NMNAT3: variants seen among roughly 807,000 people sequenced by gnomAD.
NMNAT3 encodes nicotinamide nucleotide adenylyltransferase 3, also known as nicotinamide/nicotinic acid mononucleotide adenylyltransferase 3.
NMNAT3 carries 21 observed loss-of-function variants against 24.8 expected under a neutral mutation model. The observed-to-expected ratio is 0.85, with a 90% CI of 0.60 to 1.22. The LOEUF (loss-of-function observed/expected upper bound fraction) is 1.22. Among genes scored for constraint, NMNAT3 ranks in the 50% most tolerant of loss-of-function variants. The pLI, the probability that NMNAT3 is intolerant of heterozygous loss-of-function variation, is 0.00. For synonymous variants in NMNAT3, 136 were observed against 155.2 expected (o/e 0.88, Z 0.92); for missense variants, 387 against 436.6 (o/e 0.89, Z 1.01).
At chr3:139,674,455 T>C (rs2057859401) in intron 1 of NMNAT3, among the ~76,000 whole-genome samples, 1 of 152,104 alleles carries the variant, frequency 6.6e-6, no homozygotes, top group Non-Finnish European at 1.5e-5. Flanking sequence ...GGAACCATGA[T>C]AAACGAGCAA....
At chr3:139,580,587 C>T (rs905725260) in intron 4 of NMNAT3, among the ~76,000 whole-genome samples, 3 of 152,148 alleles carry the variant, frequency 2.0e-5, no homozygotes, top group African/African-American at 4.8e-5. Flanking sequence ...GACAGACGCT[C>T]GCCACCTGGC....
At chr3:139,661,282 T>G (rs973631000) in intron 1 of NMNAT3, among the ~76,000 whole-genome samples, 1 of 152,196 alleles carries the variant, frequency 6.6e-6, no homozygotes, top group Non-Finnish European at 1.5e-5. Context: ...AGGCACCTAG[T>G]GTAGGGCTGC....
chr3:139,619,690 G>C (rs2055672524), intron 3 of NMNAT3, among the ~76,000 whole-genome samples: 1 of 152,064 alleles, frequency 6.6e-6, no homozygotes, highest in African/African-American at 2.4e-5. Flanking sequence ...AGATGCCAGG[G>C]GCCTTTCTGA....
chr3:139,599,565 A>ACCAGAATCTC, intron 3 of NMNAT3: 2 of 606,618 alleles, frequency 3.3e-6, no homozygotes, highest in Non-Finnish European at 5.8e-6. Context: ...CATAAAAAAG[A>ACCAGAATCTC]CCAGAATCTC....
chr3:139,652,520 G>A (rs1337366897), intron 1 of NMNAT3, among the ~76,000 whole-genome samples: 6 of 152,112 alleles, frequency 3.9e-5, no homozygotes, highest in African/African-American at 1.4e-4. Flanking sequence ...TGTTCCAGGT[G>A]TCTCTGCTGA....
chr3:139,612,631 C>T (rs1255370502), intron 3 of NMNAT3, among the ~76,000 whole-genome samples: 1 of 152,178 alleles, frequency 6.6e-6, no homozygotes, highest in Non-Finnish European at 1.5e-5. Flanking sequence ...AGGATCTGGG[C>T]TGAGAATCAG....
chr3:139,590,697 G>T (rs550683444), intron 3 of NMNAT3, among the ~76,000 whole-genome samples: 18 of 152,056 alleles, frequency 1.2e-4, no homozygotes, highest in African/African-American at 4.3e-4. Flanking sequence ...AATGCGTGCT[G>T]TAGAAATATT....
chr3:139,598,466 A>G (rs2054573956), intron 3 of NMNAT3, among the ~76,000 whole-genome samples: 5 of 152,322 alleles, frequency 3.3e-5, no homozygotes, highest in Admixed American at 2.6e-4. Context: ...TAGCCTACTC[A>G]GAAAGACCCC....
chr3:139,647,017 G>C (rs1482299146), intron 1 of NMNAT3, among the ~76,000 whole-genome samples: 1 of 152,188 alleles, frequency 6.6e-6, no homozygotes, highest in Non-Finnish European at 1.5e-5. Flanking sequence ...CATCTGGGAA[G>C]ATTTAAAAAA....
At chr3:139,586,683 C>T (rs1036696843) in intron 3 of NMNAT3, among the ~76,000 whole-genome samples, 2 of 152,072 alleles carry the variant, frequency 1.3e-5, no homozygotes, top group African/African-American at 4.8e-5. Context: ...AAGAGCCAGG[C>T]TATATTGAGA....
chr3:139,568,979 G>T (rs1406619591), intron 6 of NMNAT3: 1 of 152,192 alleles, frequency 6.6e-6, no homozygotes, highest in Non-Finnish European at 1.5e-5. Flanking sequence ...GGGAGTCTAA[G>T]TCTCTTTGTA....
chr3:139,634,543 TA>T (rs1420752892), intron 2 of NMNAT3, 67 bp downstream of exon 3: 1 of 152,210 alleles, frequency 6.6e-6, no homozygotes, highest in African/African-American at 2.4e-5. Flanking sequence ...CGATCTCCAG[TA>T]CTTTTTCTTT....
chr3:139,610,554 C>T (rs976679377), intron 3 of NMNAT3, among the ~76,000 whole-genome samples: 1 of 152,162 alleles, frequency 6.6e-6, no homozygotes, highest in Admixed American at 6.5e-5. Context: ...AATAGTTTTT[C>T]AGACCAGGCT....
At chr3:139,629,542 A>T (rs1040038528) in intron 2 of NMNAT3, among the ~76,000 whole-genome samples, 33 of 152,132 alleles carry the variant, frequency 2.2e-4, no homozygotes, top group Admixed American at 2.0e-3. Context: ...CAATGGGAGG[A>T]ATGCATTTAT....
intron 5 of NMNAT3, among the ~76,000 whole-genome samples, chr3:139,577,492 T>A (rs529111208): frequency 6.6e-6 from 1 of 152,350 alleles, no homozygotes; most frequent in South Asian, 2.1e-4. Flanking sequence ...AAAACCTGTG[T>A]CCTAGGCTAC....
At chr3:139,602,855 T>C (rs578262520) in intron 3 of NMNAT3, among the ~76,000 whole-genome samples, 102 of 152,368 alleles carry the variant, frequency 6.7e-4, no homozygotes, top group African/African-American at 2.4e-3. Flanking sequence ...TTAATTTACA[T>C]GTCTAATGGA....
intron 1 of NMNAT3, among the ~76,000 whole-genome samples, chr3:139,640,623 C>G (rs1172191273): frequency 6.6e-6 from 1 of 152,142 alleles, no homozygotes; most frequent in Non-Finnish European, 1.5e-5. Flanking sequence ...TCCATGAAGG[C>G]TGAACAGGCC....
At chr3:139,651,519 T>C (rs954875530) in intron 1 of NMNAT3, among the ~76,000 whole-genome samples, 1 of 152,206 alleles carries the variant, frequency 6.6e-6, no homozygotes, top group Non-Finnish European at 1.5e-5. Flanking sequence ...CTATGCTTTA[T>C]CTGCAGACAA....
chr3:139,610,626 G>A (rs1184935020), intron 3 of NMNAT3, among the ~76,000 whole-genome samples: 1 of 152,148 alleles, frequency 6.6e-6, no homozygotes, highest in Non-Finnish European at 1.5e-5. Context: ...ATCCGTGTGA[G>A]CCCAAGATTA....
Sources: gnomAD v4.1 joint callset for allele counts (sites outside exome capture counted in the v4.1 genomes callset) on GRCh38, gnomAD v4.1.1 for gene constraint, MANE v1.5 for transcripts, NCBI Gene and HGNC (gene_info 2026-07-23, HGNC 2026-07-21) for gene names.